The following FBXW8 variants were observed in gnomAD, a reference collection of about 807,000 sequenced individuals.
FBXW8 encodes F-box/WD repeat-containing protein 8.
Under a neutral mutation model 65.3 loss-of-function variants are expected in FBXW8, and 57 were observed. The observed-to-expected ratio is 0.87, with a 90% CI of 0.71 to 1.09. The LOEUF (loss-of-function observed/expected upper bound fraction) is 1.09. Among genes scored for constraint, FBXW8 ranks in the 50% least tolerant of loss-of-function variants. FBXW8 has a pLI of 0.00. For missense variants in FBXW8, 777 were observed against 814.8 expected, an observed-to-expected ratio of 0.95 and a Z score of 0.57; for synonymous variants, 308 against 330.2, an observed-to-expected ratio of 0.93 and a Z score of 0.73.
chr12:117,011,127 C>CTTT (rs397946872), intron 8 of FBXW8, among the ~76,000 whole-genome samples: 6 of 122,176 alleles, frequency 4.9e-5, no homozygotes, highest in Admixed American at 8.1e-5. Flanking sequence ...TTTTCTTTTC[C>CTTT]TTTTTTTTTT....
intron 5 of FBXW8, among the ~76,000 whole-genome samples, chr12:116,969,173 G>A (rs1050517416): frequency 6.6e-6 from 1 of 152,022 alleles, no homozygotes; most frequent in Admixed American, 6.6e-5. Flanking sequence ...TCAACGCCTG[G>A]GTAAAATCTA....
intron 9 of FBXW8, among the ~76,000 whole-genome samples, chr12:117,025,789 AC>A (rs1954214286): frequency 6.6e-6 from 1 of 151,620 alleles, no homozygotes; most frequent in Admixed American, 6.6e-5. Flanking sequence ...TTTGAGGAAA[AC>A]CCTGGATCAG....
At chr12:116,941,285 T>G (rs1230923192) in intron 2 of FBXW8, among the ~76,000 whole-genome samples, 3 of 152,216 alleles carry the variant, frequency 2.0e-5, no homozygotes, top group Non-Finnish European at 4.4e-5. Flanking sequence ...CCCTCTTGAT[T>G]CTTCAGGTTC....
chr12:117,027,062 G>A (rs1401768207), intron 9 of FBXW8, among the ~76,000 whole-genome samples: 2 of 152,206 alleles, frequency 1.3e-5, no homozygotes, highest in African/African-American at 2.4e-5. Context: ...GGGAGGCAGC[G>A]ATGGGCCAGT....
In FBXW8 at chr12:117,027,412, CTCAT is replaced by C; in HGVS notation, c.1564_1567del (p.Phe522AlafsTer15). The stretch of plus-strand genomic sequence containing the variant: ...CTTCCAGGCACCCGGTGCAGCACAT[CTCAT>C]TCAGCAGCCACAGCCTCATCACGGC... On this transcript the variant is annotated frameshift_variant, in exon 10 of 11. Coordinates refer to ENST00000652555, the MANE Select transcript of FBXW8 (RefSeq NM_153348.3). LOFTEE classifies it high-confidence loss of function. 3.7e-6 allele frequency: 6 copies of C among 1,614,122 alleles called. No individual in the cohort carries two copies. The highest frequency in any genetic ancestry group is 5.1e-6 in the Non-Finnish European group (6 of 1,180,032).
chr12:116,962,997 A>T (rs922613397), intron 4 of FBXW8, among the ~76,000 whole-genome samples: 6 of 152,140 alleles, frequency 3.9e-5, no homozygotes, highest in Non-Finnish European at 5.9e-5. Context: ...TGATCTCAGG[A>T]TCTGCCCTTG....
intron 9 of FBXW8, among the ~76,000 whole-genome samples, chr12:117,025,109 G>T (rs1218469997): frequency 1.3e-5 from 2 of 152,178 alleles, no homozygotes; most frequent in Admixed American, 6.5e-5. Context: ...GGCCCTGCAG[G>T]CCTCGAACAG....
chr12:116,963,269 C>A (rs1884098990), intron 4 of FBXW8, among the ~76,000 whole-genome samples: 1 of 152,148 alleles, frequency 6.6e-6, no homozygotes, highest in Admixed American at 6.5e-5. Context: ...TGCAGTACTA[C>A]TAGTAAACAA....
chr12:117,018,819 T>C (rs1176649806), intron 8 of FBXW8, among the ~76,000 whole-genome samples: 1 of 152,220 alleles, frequency 6.6e-6, no homozygotes, highest in African/African-American at 2.4e-5. Flanking sequence ...AACTTTGAAC[T>C]TCTGGACCAA....
intron 10 of FBXW8, 45 bp from the exon 11 acceptor site, chr12:117,027,983 C>T (rs940818914): frequency 2.5e-5 from 40 of 1,610,114 alleles, no homozygotes; most frequent in Non-Finnish European, 3.2e-5. Flanking sequence ...GGGTGAGGGC[C>T]AGCGAGGCAG....
chr12:117,019,222 G>A (rs1954030123), intron 8 of FBXW8, among the ~76,000 whole-genome samples: 1 of 152,164 alleles, frequency 6.6e-6, no homozygotes, highest in African/African-American at 2.4e-5. Flanking sequence ...GACCTATTAT[G>A]TATCATCTAT....
At chr12:117,004,332 G>A (rs563973857) in intron 7 of FBXW8, among the ~76,000 whole-genome samples, 1 of 152,276 alleles carries the variant, frequency 6.6e-6, no homozygotes. Context: ...TTGCCTGGAA[G>A]TCTAATTCTC....
intron 3 of FBXW8, chr12:116,949,352 T>C: frequency 4.3e-6 from 2 of 465,770 alleles, no homozygotes; most frequent in Non-Finnish European, 7.8e-6. Context: ...CTTTCTATTC[T>C]GTAACCTCCT....
chr12:117,015,495 C>T (rs1232390853), intron 8 of FBXW8, among the ~76,000 whole-genome samples: 1 of 152,088 alleles, frequency 6.6e-6, no homozygotes, highest in Admixed American at 6.5e-5. Context: ...AGCTCTCAGG[C>T]TTCTCATCTG....
intron 5 of FBXW8, among the ~76,000 whole-genome samples, chr12:116,977,203 C>G (rs1382448223): frequency 6.6e-6 from 1 of 152,154 alleles, no homozygotes; most frequent in Non-Finnish European, 1.5e-5. Context: ...GACTTTTCCC[C>G]CTGCTTTTTA....
chr12:117,012,298 T>A (rs2393112), intron 8 of FBXW8, among the ~76,000 whole-genome samples: 4,089 of 152,150 alleles, frequency 0.027, 179 homozygotes, highest in African/African-American at 0.087. Flanking sequence ...CATTTTTTTT[T>A]AAAACGCTCT....
At chr12:116,935,800 A>G (rs982421803) in intron 2 of FBXW8, among the ~76,000 whole-genome samples, 5 of 152,244 alleles carry the variant, frequency 3.3e-5, no homozygotes, top group Admixed American at 3.3e-4. Context: ...AAAATAATAC[A>G]TGTGAATAAG....
intron 2 of FBXW8, among the ~76,000 whole-genome samples, chr12:116,942,374 A>ATTT (rs57576794): frequency 2.1e-4 from 28 of 134,022 alleles, no homozygotes; most frequent in African/African-American, 5.1e-4. Context: ...AAGTTTCCTG[A>ATTT]TTTTTTTTTT....
intron 5 of FBXW8, among the ~76,000 whole-genome samples, chr12:116,977,071 A>G (rs1884993746): frequency 6.6e-6 from 1 of 152,138 alleles, no homozygotes; most frequent in Non-Finnish European, 1.5e-5. Flanking sequence ...GGGGATTTGC[A>G]TTGGTATCTG....
Sources: gnomAD v4.1 joint callset for allele counts (sites outside exome capture counted in the v4.1 genomes callset) on GRCh38, gnomAD v4.1.1 for gene constraint, MANE v1.5 for transcripts, NCBI Gene and HGNC (gene_info 2026-07-23, HGNC 2026-07-21) for gene names.